The following JAK3 variants were observed in gnomAD, a reference collection of about 807,000 sequenced individuals.
JAK3 encodes the protein Janus kinase 3, also known as tyrosine-protein kinase JAK3.
In JAK3, 88 loss-of-function variants were observed where a neutral mutation model predicts 120.8. The ratio of observed to expected loss-of-function variants is 0.73; its 90% CI spans 0.61 to 0.87. The LOEUF (loss-of-function observed/expected upper bound fraction) is 0.87. Among genes scored for constraint, JAK3 ranks in the 40% least tolerant of loss-of-function variants. The pLI, the probability that JAK3 is intolerant of heterozygous loss-of-function variation, is 0.00. For missense variants in JAK3, 1,254 were observed against 1,501.4 expected, an observed-to-expected ratio of 0.84 and a Z score of 2.72; for synonymous variants, 592 against 628.6, an observed-to-expected ratio of 0.94 and a Z score of 0.87.
At position 17,830,165 on chromosome 19, in the gene JAK3, G is replaced by C. The variant is rs1338775763; in HGVS notation, c.3150C>G (p.Leu1050=). The change falls in exon 23 of 24, where the codon CTC becomes CTG. Residue 1050 remains leucine, a synonymous_variant. Coordinates refer to ENST00000458235, the MANE Select transcript of JAK3 (RefSeq NM_000215.4). The part of the protein sequence containing the change: ...CERDVPALCR[L]LELLEEGQRL... ...TCTGGCCCTCCTCCAGCAGTTCCAA[G>C]AGGCGGCAGAGGGCGGGGACATCCC... 6.3e-7 allele frequency: 1 copy of C among 1,596,774 alleles called. No individual in the cohort carries two copies. Among genetic ancestry groups the C allele is most frequent in the South Asian group, 1.1e-5 (1 of 88,128 alleles).
At chr19:17,839,212 C>G (rs2094231645) in intron 10 of JAK3, 3 of 612,732 alleles carry the variant, frequency 4.9e-6, no homozygotes, top group Non-Finnish European at 6.1e-6. Context: ...GGGGTTTGTC[C>G]AGGAGTGAAA....
chr19:17,830,255 G>T, intron 22 of JAK3, 37 bp from the exon 23 acceptor site: 2 of 1,459,172 alleles, frequency 1.4e-6, no homozygotes, highest in Non-Finnish European at 1.9e-6. Context: ...TGGGGGAGGA[G>T]CCTCCGTGGG....
chr19:17,846,095 G>A (rs1225271872), intron 1 of JAK3, among the ~76,000 whole-genome samples: 4 of 151,994 alleles, frequency 2.6e-5, no homozygotes, highest in Admixed American at 6.6e-5. Flanking sequence ...TGGGATTACC[G>A]GCGTGAGAAA....
In JAK3 at chr19:17,834,881, T is replaced by C; in HGVS notation, c.2170A>G (p.Met724Val). Residue 724 changes from methionine to valine, a missense_variant, in exon 16 of 24, where the codon ATG (methionine) becomes GTG (valine). Physicochemically the swap from Met to Val is conservative, Grantham distance 21. Coordinates refer to ENST00000458235, the MANE Select transcript of JAK3 (RefSeq NM_000215.4). Reference protein sequence around the residue: ...TVWEVFSGVTMPISALDPAKK... With the variant: ...TVWEVFSGVTVPISALDPAKK... ...GCAGGATCCAGGGCACTGATGGGCA[T>C]GGTGACGCCACTAAACACTTCCCAG... The C allele has an allele frequency of 6.2e-7, 1 of 1,614,130 alleles. No individual in the cohort carries two copies. The highest frequency in any genetic ancestry group is 8.5e-7 in the Non-Finnish European group (1 of 1,180,028).
Position 17,830,530 on chromosome 19 carries a change from G to C in JAK3, c.3069C>G (p.Tyr1023Ter). ...CCGAGGGGCTGCAGCTTTTGTCGCA[G>C]TAGGTGAAGAGCTCGTACAGGACGA... ...FGVVLYELFT[Y>*]CDKSCSPSAE... Residue 1023 changes from tyrosine (Y) to a stop codon, truncating the protein, a stop_gained, in exon 22 of 24, where the codon TAC becomes TAG. Coordinates refer to ENST00000458235, the MANE Select transcript of JAK3 (RefSeq NM_000215.4). LOFTEE classifies it high-confidence loss of function. The C allele has an allele frequency of 6.2e-7, 1 of 1,613,812 alleles. No individual in the cohort carries two copies. Among genetic ancestry groups the C allele is most frequent in the South Asian group, 1.1e-5 (1 of 91,072 alleles).
rs2094243424 is a variant in JAK3 at position 17,842,928 on chromosome 19, T to G, written c.566+99A>C. On this transcript the variant is annotated intron_variant, in intron 5 of 23. Transcript: ENST00000458235. This position sits in a 1 kb window ranked among gnomAD's most constrained non-coding sequence, Gnocchi z 6.4. Reference sequence around the variant, plus strand: ...GGGTCATAGGAACACCCTGAAAGCTTGCAGGAGAACTCCATGGTGGGAGCC... The same window carrying G: ...GGGTCATAGGAACACCCTGAAAGCTGGCAGGAGAACTCCATGGTGGGAGCC... 2 of 1,527,610 alleles carry G rather than the reference T, an allele frequency of 1.3e-6. No homozygotes were observed. The highest frequency in any genetic ancestry group is 3.4e-5 in the Admixed American group (2 of 59,606). 94.6% of individuals were successfully genotyped at this position (1,527,610 alleles called of 1,614,324 possible).
intron 13 of JAK3, 122 bp from the exon 14 acceptor site, chr19:17,836,173 G>A (rs1305615557): frequency 1.5e-5 from 17 of 1,141,806 alleles, no homozygotes; most frequent in Non-Finnish European, 2.1e-5. Flanking sequence ...TCCCTCCCCT[G>A]CTGCCTCTGT....
intron 22 of JAK3, 37 bp downstream of exon 22, chr19:17,830,466 G>A (rs2094211785): frequency 1.3e-6 from 2 of 1,530,650 alleles, no homozygotes; most frequent in East Asian, 2.3e-5. Flanking sequence ...GGGCGTGGAG[G>A]GAGAAGAAGG....
chr19:17,835,269 CTGTT>C, intron 14 of JAK3, 54 bp from the exon 15 acceptor site: 4 of 1,597,132 alleles, frequency 2.5e-6, no homozygotes, highest in East Asian at 2.2e-5. Flanking sequence ...AATGAAGAGT[CTGTT>C]TGGCAAACTC....
In JAK3 at chr19:17,842,547, C is replaced by T. The variant is rs201101011; in HGVS notation, c.630G>A (p.Arg210=). ...DLIQGLSFVT[R]RRIRRTVRRA... ...TGCGCACCGTCCTCCGAATACGCCT[C>T]CGCGTCACGAAGCTCAGGCCCTGGA... The change falls in exon 6 of 24, where the codon CGG becomes CGA. Residue 210 remains arginine (R), a synonymous_variant. Transcript: ENST00000458235. The surrounding 1 kb of genome is among the most constrained non-coding windows in gnomAD (Gnocchi z 6.4). The T allele has an allele frequency of 5.9e-5, 94 of 1,587,840 alleles. No homozygotes were observed. The highest frequency in any genetic ancestry group is 4.6e-4 in the East Asian group (20 of 43,548).
chr19:17,842,592 G>A lies in JAK3; in HGVS notation c.585C>T (p.Pro195=). The A allele has an allele frequency of 6.3e-7, 1 of 1,581,632 alleles. No homozygotes were observed. Among genetic ancestry groups the A allele is most frequent in the African/African-American group, 1.3e-5 (1 of 74,446 alleles). ...CCTGGATCAGGTCGCGCAGGCTTGG[G>A]GGTAGGCAGGCCTTGTAGCTGCAGG... ...LKTVSYKACL[P]PSLRDLIQGL... is the part of the protein sequence containing the mutation. Residue 195 remains proline (P), a synonymous_variant, in exon 6 of 24, where the codon CCC becomes CCT. Transcript: ENST00000458235. The surrounding 1 kb of genome is among the most constrained non-coding windows in gnomAD (Gnocchi z 6.4).
At position 17,832,460 on chromosome 19, in the gene JAK3, A is replaced by C; in HGVS notation, c.2680+59T>G. ...TAAAGTGGCCTGGCAGGAGGGTAAGAATGTGCACTTTGAAAAGCACCCATA... is the reference window on the plus strand; with the variant it reads ...TAAAGTGGCCTGGCAGGAGGGTAAGCATGTGCACTTTGAAAAGCACCCATA... On this transcript the variant is annotated intron_variant, in intron 19 of 23. Transcript: ENST00000458235. The surrounding 1 kb of genome is among the most constrained non-coding windows in gnomAD (Gnocchi z 4.7). The C allele has an allele frequency of 6.4e-7, 1 of 1,557,354 alleles. No individual in the cohort carries two copies. Among genetic ancestry groups the C allele is most frequent in the Non-Finnish European group, 8.9e-7 (1 of 1,128,580 alleles).
rs924972747 is a variant in JAK3 at position 17,841,287 on chromosome 19, G to C, written c.1142+102C>G. ...TGCGGCAGGTGTGGTTTGAAAACTT[G>C]ACCCCTGTCCAGGGCTCCTGGAAGG... is the stretch of plus-strand genomic sequence containing the variant. On this transcript the variant is annotated intron_variant, in intron 8 of 23. Transcript: ENST00000458235. This position sits in a 1 kb window ranked among gnomAD's most constrained non-coding sequence, Gnocchi z 4.1. 13 of 1,251,728 alleles carry C rather than the reference G, an allele frequency of 1.0e-5. No homozygotes were observed. In the South Asian group the frequency reaches 1.8e-4, roughly 17 times the overall value. 77.5% of individuals were successfully genotyped at this position (1,251,728 alleles called of 1,614,324 possible).
rs58330868 is a variant in JAK3 at position 17,833,542 on chromosome 19, G to GAA, written c.2351-615_2351-614dup. Among the ~76,000 whole-genome samples the GAA allele has an allele frequency of 1.5e-3, 115 of 74,638 alleles. 2 individuals are homozygous for GAA. The East Asian group carries it at 0.016, about 11-fold the overall frequency. The allele number at this position is 74,638 out of a possible 152,430, so 49.0% of individuals were successfully genotyped here. A position where few individuals can be genotyped will look rare whatever the true frequency, so the allele number is the denominator to read the frequency against. ...GGGAACATAGCAAAACCCCATCACA[G>GAA]AAAAAAAAAAAAAAAAAAAAAAAAT... On this transcript the variant is annotated intron_variant, in intron 17 of 23. Transcript: ENST00000458235.
At chr19:17,846,235 C>T (rs34730948) in intron 1 of JAK3, among the ~76,000 whole-genome samples, 23 of 152,298 alleles carry the variant, frequency 1.5e-4, no homozygotes, top group Non-Finnish European at 3.1e-4. Context: ...CAATCCAGGC[C>T]TAAAGTGTCA....
rs1284790510 is a variant in JAK3 at position 17,837,997 on chromosome 19, C to A, written c.1636G>T (p.Gly546Trp). 6.2e-7 allele frequency: 1 copy of A among 1,614,026 alleles called. No homozygotes were observed. Among genetic ancestry groups the A allele is most frequent in the Non-Finnish European group, 8.5e-7 (1 of 1,180,044 alleles). ...YRGCRHEVVD[G>W]EARKTEVLLK... ...AGCACCTCTGTCTTTCGGGCCTCCC[C>A]ATCCACCACCTCATGGCGACAGCCC... Residue 546 changes from glycine to tryptophan, a missense_variant, in exon 12 of 24, where the codon GGG becomes TGG. Gly to Trp is a radical substitution (Grantham distance 184). Coordinates refer to ENST00000458235, the MANE Select transcript of JAK3 (RefSeq NM_000215.4).
intron 23 of JAK3, among the ~76,000 whole-genome samples, chr19:17,827,958 A>C (rs1025594782): frequency 6.7e-6 from 1 of 149,492 alleles, no homozygotes; most frequent in African/African-American, 2.4e-5. Flanking sequence ...TCCTTCGCTC[A>C]TCTCCATCCC....
intron 23 of JAK3, 80 bp from the exon 24 acceptor site, chr19:17,826,990 G>T (rs2094205132): frequency 6.7e-7 from 1 of 1,496,446 alleles, no homozygotes. Flanking sequence ...ATTTGTTTTT[G>T]TTTTTTTGAG....
chr19:17,832,957 G>A lies in JAK3; in HGVS notation c.2351-28C>T. On this transcript the variant is annotated intron_variant, in intron 17 of 23. Coordinates refer to ENST00000458235, the MANE Select transcript of JAK3 (RefSeq NM_000215.4). This position sits in a 1 kb window ranked among gnomAD's most constrained non-coding sequence, Gnocchi z 4.7. ...GGGGTGGGGGCATGGGCAGTGGTAA[G>A]CAGCGCCTCTCATCCTGGGCCCCAC... 6.2e-7 allele frequency: 1 copy of A among 1,602,770 alleles called. No homozygotes were observed. The highest frequency in any genetic ancestry group is 8.5e-7 in the Non-Finnish European group (1 of 1,174,684).
Sources: gnomAD v4.1 joint callset for allele counts (sites outside exome capture counted in the v4.1 genomes callset) on GRCh38, gnomAD v4.1.1 for gene constraint, Gnocchi (gnomAD v3.1) non-coding constraint, MANE v1.5 for transcripts, NCBI Gene and HGNC (gene_info 2026-07-23, HGNC 2026-07-21) for gene names.